NCAM2: variants seen among roughly 807,000 people sequenced by gnomAD.
The protein encoded by NCAM2 is N-CAM-2.
NCAM2 carries 30 observed loss-of-function variants against 98.1 expected under a neutral mutation model. The ratio of observed to expected loss-of-function variants is 0.31; its 90% CI spans 0.23 to 0.41. NCAM2 has a LOEUF of 0.41. Ranked by LOEUF, NCAM2 falls within the 10% of genes least tolerant of loss-of-function variation. The pLI is 1.00. For synonymous variants in NCAM2, 368 were observed against 342.4 expected (o/e 1.07, Z -0.83); for missense variants, 867 against 1,005.8 (o/e 0.86, Z 1.87).
Position 21,508,925 on chromosome 21 carries a change from G to T in NCAM2, c.2152G>T (p.Val718Leu), listed in dbSNP as rs1351345595. 1.3e-6 allele frequency: 2 copies of T among 1,598,092 alleles called. No homozygotes were observed. The highest frequency in any genetic ancestry group is 1.7e-6 in the Non-Finnish European group (2 of 1,171,738). ...TGCTGCACTGCTGCTAATTCTTGTG[G>T]TAACAGACGTCAGCTGCTTCTTTAT... ...GVAALLLILV[V>L]TDVSCFFIRQ... The change falls in exon 16 of 18, where the codon GTA becomes TTA. Residue 718 changes from valine to leucine, a missense_variant. Val to Leu is a conservative substitution (Grantham distance 32). Around this residue, in one of 5 missense-constraint regions of NCAM2, gnomAD observed 234 missense variants for 333.8 expected, o/e 0.70. Coordinates refer to ENST00000400546, the MANE Select transcript of NCAM2 (RefSeq NM_004540.5).
chr21:21,047,230 A>G (rs114859826), intron 1 of NCAM2, among the ~76,000 whole-genome samples: 32 of 152,296 alleles, frequency 2.1e-4, no homozygotes, highest in African/African-American at 5.8e-4. Context: ...TAAGTGTTCA[A>G]TGATTTCTTT....
chr21:21,361,959 C>T (rs1226848000), intron 8 of NCAM2, among the ~76,000 whole-genome samples: 5 of 152,112 alleles, frequency 3.3e-5, no homozygotes, highest in Non-Finnish European at 2.9e-5. Flanking sequence ...GTAAATTGTA[C>T]ATTGTGGGGT....
At chr21:21,362,062 A>G (rs930455080) in intron 8 of NCAM2, among the ~76,000 whole-genome samples, 14 of 152,000 alleles carry the variant, frequency 9.2e-5, no homozygotes, top group African/African-American at 3.4e-4. Context: ...TTCAACAACC[A>G]GCTGTTACTG....
chr21:21,334,708 G>A (rs112850622), intron 6 of NCAM2, among the ~76,000 whole-genome samples: 10 of 152,104 alleles, frequency 6.6e-5, no homozygotes, highest in African/African-American at 2.2e-4. Flanking sequence ...CACAAATACC[G>A]AGGGAAATCA....
intron 8 of NCAM2, among the ~76,000 whole-genome samples, chr21:21,357,580 A>C (rs2075524789): frequency 6.6e-6 from 1 of 152,264 alleles, no homozygotes; most frequent in South Asian, 2.1e-4. Context: ...AAAGTGGCAT[A>C]TTTATAGCAT....
intron 1 of NCAM2, among the ~76,000 whole-genome samples, chr21:21,182,820 AT>A (rs1288545013): frequency 1.3e-5 from 2 of 152,140 alleles, no homozygotes; most frequent in Non-Finnish European, 2.9e-5. Context: ...GTTGGGCAGC[AT>A]TGTTCCTACT....
intron 5 of NCAM2, among the ~76,000 whole-genome samples, chr21:21,301,431 T>A (rs372317490): frequency 3.4e-5 from 5 of 148,354 alleles, no homozygotes. Flanking sequence ...CATGTGCACA[T>A]TGTGCAGGTT....
intron 9 of NCAM2, among the ~76,000 whole-genome samples, chr21:21,380,805 G>C (rs1425106484): frequency 6.6e-6 from 1 of 152,170 alleles, no homozygotes; most frequent in Non-Finnish European, 1.5e-5. Flanking sequence ...TAATGTGTTT[G>C]CAGTTTCCGA....
chr21:21,517,287 A>G (rs1988764856), intron 16 of NCAM2, among the ~76,000 whole-genome samples: 2 of 152,108 alleles, frequency 1.3e-5, no homozygotes, highest in African/African-American at 4.8e-5. Context: ...CCTTTATTAC[A>G]TATTTTTATA....
At chr21:21,365,101 T>C (rs1449039930) in intron 8 of NCAM2, among the ~76,000 whole-genome samples, 2 of 152,128 alleles carry the variant, frequency 1.3e-5, no homozygotes, top group Admixed American at 1.3e-4. Context: ...TGACAACGTG[T>C]GCTGGAATTC....
At position 21,543,104 on chromosome 21, in the gene NCAM2, CCATT is replaced by C. The variant is rs1240708901; in HGVS notation, c.*5150_*5153del. Reference sequence around the variant, plus strand: ...TTTTATTTTCTTTAATTTATATATTCCATTCAAATTCTATATTCTTAAGTTAGCT... The same window carrying C: ...TTTTATTTTCTTTAATTTATATATTCCAAATTCTATATTCTTAAGTTAGCT... On this transcript the variant is annotated 3_prime_UTR_variant, in exon 18 of 18. Coordinates refer to ENST00000400546, the MANE Select transcript of NCAM2 (RefSeq NM_004540.5). The C allele has an allele frequency of 1.3e-5, 2 of 151,698 alleles. No homozygotes were observed. Among genetic ancestry groups the C allele is most frequent in the Admixed American group, 1.3e-4 (2 of 15,180 alleles). 9.4% of individuals were successfully genotyped at this position (151,698 alleles called of 1,614,324 possible).
chr21:21,150,724 T>C (rs1210125948), intron 1 of NCAM2, among the ~76,000 whole-genome samples: 1 of 151,988 alleles, frequency 6.6e-6, no homozygotes, highest in Non-Finnish European at 1.5e-5. Flanking sequence ...TTATATTTTC[T>C]TTTGGATTTC....
At chr21:21,135,799 A>T in intron 1 of NCAM2, among the ~76,000 whole-genome samples, 1 of 152,124 alleles carries the variant, frequency 6.6e-6, no homozygotes, top group East Asian at 1.9e-4. Context: ...TTAAGTATAT[A>T]CATTTTTCTT....
intron 1 of NCAM2, among the ~76,000 whole-genome samples, chr21:21,100,476 A>T (rs2066217341): frequency 6.6e-6 from 1 of 151,976 alleles, no homozygotes. Context: ...GCCCCAGAAA[A>T]CATGATGCCG....
At chr21:21,147,415 T>A (rs537383929) in intron 1 of NCAM2, among the ~76,000 whole-genome samples, 5 of 152,104 alleles carry the variant, frequency 3.3e-5, no homozygotes, top group African/African-American at 9.6e-5. Flanking sequence ...TTTCATTTAA[T>A]TTTTTATTTT....
At chr21:21,531,423 T>C (rs1249532350) in intron 16 of NCAM2, among the ~76,000 whole-genome samples, 2 of 152,180 alleles carry the variant, frequency 1.3e-5, no homozygotes, top group Non-Finnish European at 2.9e-5. Flanking sequence ...CTATTACAAG[T>C]AACCTACAGG....
rs553477500 is a variant in NCAM2 at position 21,120,822 on chromosome 21, G to C, written c.55+122204G>C. Among the ~76,000 whole-genome samples, 186 of 150,942 alleles carry C rather than the reference G, an allele frequency of 1.2e-3. No homozygotes were observed. In the Middle Eastern group the frequency reaches 0.017, roughly 14 times the overall value. ...CAACCTCTGCCTCCCGGGTTCAGTC[G>C]ATTCTCCTGCCTCAGCCTCCCGAGT... On this transcript the variant is annotated intron_variant, in intron 1 of 17. Coordinates refer to ENST00000400546, the MANE Select transcript of NCAM2 (RefSeq NM_004540.5).
intron 1 of NCAM2, among the ~76,000 whole-genome samples, chr21:21,209,828 G>C (rs1033475612): frequency 3.3e-5 from 5 of 152,132 alleles, no homozygotes; most frequent in Non-Finnish European, 7.3e-5. Flanking sequence ...ATCTTGCTAT[G>C]TTCCCCAAAG....
chr21:21,479,608 A>AAAAAAAAT (rs1491473437), intron 15 of NCAM2, among the ~76,000 whole-genome samples: 1 of 127,916 alleles, frequency 7.8e-6, no homozygotes, highest in African/African-American at 2.8e-5. Context: ...AAAAAAAAAA[A>AAAAAAAAT]TTGTTGATGA....
Sources: allele counts gnomAD v4.1 joint callset (sites outside exome capture counted in the v4.1 genomes callset), GRCh38; gene constraint gnomAD v4.1.1; regional missense constraint gnomAD v4.1.1; transcripts MANE v1.5; gene names NCBI Gene and HGNC (gene_info 2026-07-23, HGNC 2026-07-21).